The following FAT1 variants were observed in gnomAD, a reference collection of about 807,000 sequenced individuals.
FAT1 encodes FAT atypical cadherin 1.
A neutral mutation model predicts 329.8 loss-of-function variants in FAT1; 171 were observed. The ratio of observed to expected loss-of-function variants is 0.52; its 90% CI spans 0.46 to 0.59. The LOEUF (loss-of-function observed/expected upper bound fraction) is 0.59. Among genes scored for constraint, FAT1 ranks in the 20% least tolerant of loss-of-function variants. The pLI is 0.00. For missense variants in FAT1, 5,672 were observed against 5,774.4 expected (o/e 0.98, Z 0.57); for synonymous variants, 2,233 against 2,228.6 (o/e 1.00, Z -0.06).
rs2126505606 is a variant in FAT1 at position 186,619,440 on chromosome 4, G to A, written c.7146C>T (p.Asp2382=). 6.2e-7 allele frequency: 1 copy of A among 1,613,942 alleles called. No homozygotes were observed. Among genetic ancestry groups the A allele is most frequent in the African/African-American group, 1.3e-5 (1 of 75,034 alleles). Residue 2382 remains aspartate (D), a synonymous_variant, in exon 10 of 27, where the codon GAC becomes GAT. Coordinates refer to ENST00000441802, the MANE Select transcript of FAT1 (RefSeq NM_005245.4). ...CAAAGAGTGGTGGATTATCATTGAG[G>A]TCGGTAACGTCCACCGTGACAATCA... is the stretch of plus-strand genomic sequence containing the variant. ...SDVIVTVDVT[D]LNDNPPLFEQ...
upstream of FAT1, among the ~76,000 whole-genome samples, chr4:186,726,049 C>G (rs559161166): frequency 4.2e-4 from 64 of 152,338 alleles, 1 homozygote; most frequent in East Asian, 0.011. Context: ...CTCGCGGCCC[C>G]GATGCGCCCT....
At chr4:186,592,710 T>A (rs1237701955) in intron 26 of FAT1, 1 of 456,738 alleles carries the variant, frequency 2.2e-6, no homozygotes, top group Non-Finnish European at 4.4e-6. Flanking sequence ...GCTCACCGTG[T>A]CAACCACAGC....
chr4:186,636,541 AG>A (rs760734134), intron 5 of FAT1, 43 bp downstream of exon 5: 6 of 1,508,336 alleles, frequency 4.0e-6, no homozygotes, highest in Non-Finnish European at 5.4e-6. Context: ...TAAGGTTTAT[AG>A]TCACAACATA....
intron 1 of FAT1, among the ~76,000 whole-genome samples, chr4:186,715,563 C>G (rs1463818723): frequency 6.6e-6 from 1 of 152,210 alleles, no homozygotes; most frequent in Non-Finnish European, 1.5e-5. Flanking sequence ...ATGGCTGTGG[C>G]TCTCATGCAA....
At chr4:186,691,712 G>A (rs1473894384) in intron 2 of FAT1, among the ~76,000 whole-genome samples, 1 of 152,152 alleles carries the variant, frequency 6.6e-6, no homozygotes, top group Non-Finnish European at 1.5e-5. Context: ...GGAGGCTGTG[G>A]TGGGAGGATT....
intron 2 of FAT1, among the ~76,000 whole-genome samples, chr4:186,680,062 C>G (rs1743140140): frequency 6.6e-6 from 1 of 152,192 alleles, no homozygotes; most frequent in South Asian, 2.1e-4. Flanking sequence ...CTAATTGGAA[C>G]AGGGAAATAT....
chr4:186,598,262 T>C (rs988275444), intron 22 of FAT1, 137 bp from the exon 23 acceptor site: 29 of 834,768 alleles, frequency 3.5e-5, no homozygotes, highest in Non-Finnish European at 5.0e-5. Flanking sequence ...GGGAAAAAAG[T>C]TGGCTACATC....
intron 1 of FAT1, among the ~76,000 whole-genome samples, chr4:186,715,351 G>A (rs1399355330): frequency 7.2e-5 from 11 of 152,036 alleles, no homozygotes; most frequent in South Asian, 2.1e-4. Flanking sequence ...CAGCTGGGAC[G>A]GACTTGTGGA....
rs1480748170 is a variant in FAT1 at position 186,628,367 on chromosome 4, A to G, written c.4600-3T>C. On this transcript the variant is annotated splice_polypyrimidine_tract_variant and splice_region_variant and intron_variant, in intron 8 of 26. Coordinates refer to ENST00000441802, the MANE Select transcript of FAT1 (RefSeq NM_005245.4). The stretch of plus-strand genomic sequence containing the variant: ...ACAGGCACATCTTGATCTCGTACCT[A>G]AAAAGAATTGACACATTATCAATCC... The G allele has an allele frequency of 1.2e-6, 2 of 1,611,854 alleles. No homozygotes were observed. Among genetic ancestry groups the G allele is most frequent in the African/African-American group, 2.7e-5 (2 of 74,882 alleles).
intron 7 of FAT1, among the ~76,000 whole-genome samples, chr4:186,631,232 C>T: frequency 6.6e-6 from 1 of 152,056 alleles, no homozygotes; most frequent in South Asian, 2.1e-4. Flanking sequence ...CCAGCTGACC[C>T]CTCTGCTCTT....
upstream of FAT1, among the ~76,000 whole-genome samples, chr4:186,725,358 G>A (rs1164060444): frequency 3.9e-5 from 6 of 152,028 alleles, no homozygotes; most frequent in Admixed American, 3.9e-4. The surrounding 1 kb of genome is among the most constrained non-coding windows in gnomAD (Gnocchi z 5.4). Flanking sequence ...AAGAAGAACA[G>A]TAAAAAAAGT....
intron 16 of FAT1, among the ~76,000 whole-genome samples, chr4:186,607,835 C>T (rs1312747695): frequency 6.6e-6 from 1 of 152,048 alleles, no homozygotes; most frequent in Non-Finnish European, 1.5e-5. Flanking sequence ...TTCAGCCTTG[C>T]TGCCTCTCCT....
intron 2 of FAT1, among the ~76,000 whole-genome samples, chr4:186,670,033 T>A (rs979044236): frequency 6.6e-6 from 1 of 152,204 alleles, no homozygotes; most frequent in African/African-American, 2.4e-5. Flanking sequence ...AATAAAGTTA[T>A]AGCTATGATG....
chr4:186,667,308 C>T (rs1742494494), intron 2 of FAT1, among the ~76,000 whole-genome samples: 3 of 152,272 alleles, frequency 2.0e-5, no homozygotes, highest in East Asian at 1.9e-4. Context: ...TCATGTCCAT[C>T]AGGAGGGGAT....
chr4:186,676,475 G>A (rs986017935), intron 2 of FAT1, among the ~76,000 whole-genome samples: 2 of 152,088 alleles, frequency 1.3e-5, no homozygotes, highest in Non-Finnish European at 2.9e-5. Flanking sequence ...AGAACTTAAG[G>A]AATTTCAGAA....
In FAT1 at chr4:186,603,038, C is replaced by T; in HGVS notation, c.11351-4G>A. On this transcript the variant is annotated splice_polypyrimidine_tract_variant and splice_region_variant and intron_variant, in intron 19 of 26. Transcript: ENST00000441802. ...TGGACAGGTGGGCACCTTCCCTCTT[C>T]ATTCAAAGAGGGGAGAAAGGGAAAA... 6.2e-7 allele frequency: 1 copy of T among 1,613,774 alleles called. No individual in the cohort carries two copies. Among genetic ancestry groups the T allele is most frequent in the Non-Finnish European group, 8.5e-7 (1 of 1,179,780 alleles).
intron 2 of FAT1, among the ~76,000 whole-genome samples, chr4:186,674,679 A>T (rs78559001): frequency 2.6e-5 from 4 of 152,098 alleles, no homozygotes; most frequent in Admixed American, 6.6e-5. Flanking sequence ...AAAGGATATT[A>T]AAAAAAATCC....
intron 1 of FAT1, among the ~76,000 whole-genome samples, chr4:186,720,935 A>G (rs1454919206): frequency 6.6e-6 from 1 of 152,248 alleles, no homozygotes; most frequent in African/African-American, 2.4e-5. Flanking sequence ...GAGGCTGGTA[A>G]CAACACTGCA....
rs200468783 is a variant in FAT1 at position 186,600,131 on chromosome 4, C to T, written c.11870G>A (p.Arg3957His). 3.4e-5 allele frequency: 55 copies of T among 1,613,928 alleles called. No individual in the cohort carries two copies. The highest frequency in any genetic ancestry group is 1.6e-4 in the Middle Eastern group (1 of 6,084). Residue 3957 changes from arginine to histidine, a missense_variant, in exon 22 of 27, where the codon CGT becomes CAT. Transcript: ENST00000441802. ...TCTTCCATGCCTTGTTCCCTGCTGA[C>T]GGATGTGGCCACCAAAAAACACATA... ...DNYVFFGGHI[R>H]QQGTRHGRSP... is the part of the protein sequence containing the mutation.
Sources: gnomAD v4.1 joint callset for allele counts (sites outside exome capture counted in the v4.1 genomes callset) on GRCh38, gnomAD v4.1.1 for gene constraint, Gnocchi (gnomAD v3.1) non-coding constraint, MANE v1.5 for transcripts, NCBI Gene and HGNC (gene_info 2026-07-23, HGNC 2026-07-21) for gene names.